CPNE7: variants seen among roughly 807,000 people sequenced by gnomAD.
CPNE7 encodes the protein copine 7.
Under a neutral mutation model 66.5 loss-of-function variants are expected in CPNE7, and 78 were observed. The ratio of observed to expected loss-of-function variants is 1.17; its 90% CI spans 0.98 to 1.42. CPNE7 has a LOEUF of 1.42. Ranked by LOEUF, CPNE7 falls within the 40% of genes most tolerant of loss-of-function variation. The pLI is 0.00. For synonymous variants in CPNE7, 468 were observed against 336.7 expected (o/e 1.39, Z -4.27); for missense variants, 1,012 against 776.6 (o/e 1.30, Z -3.60).
At chr16:89,595,897 G>T in intron 14 of CPNE7, 1 of 577,298 alleles carries the variant, frequency 1.7e-6, no homozygotes, top group South Asian at 1.5e-5. Flanking sequence ...CAACCTCTGC[G>T]ACCCGGCGAG....
At chr16:89,590,314 C>T (rs1193192963) in intron 11 of CPNE7, among the ~76,000 whole-genome samples, 5 of 152,200 alleles carry the variant, frequency 3.3e-5, no homozygotes, top group Non-Finnish European at 7.3e-5. Context: ...TACCTGAGGT[C>T]AGGAGTTCCA....
chr16:89,587,143 T>A, intron 9 of CPNE7, 41 bp downstream of exon 9: 1 of 1,072,914 alleles, frequency 9.3e-7, no homozygotes, highest in Non-Finnish European at 1.2e-6. Context: ...CCTCAGTCCG[T>A]GGCCCCGCCC....
chr16:89,588,542 C>A, intron 9 of CPNE7, 133 bp from the exon 10 acceptor site: 2 of 1,077,498 alleles, frequency 1.9e-6, no homozygotes, highest in South Asian at 1.5e-5. Flanking sequence ...CCAACAGCAG[C>A]CCCCCAGCCC....
At chr16:89,587,682 CCCATAGATACGCACA>C (rs1309906085) in intron 9 of CPNE7, 4 of 399,532 alleles carry the variant, frequency 1.0e-5, no homozygotes, top group Admixed American at 2.6e-5. Flanking sequence ...CCCCGCGTCA[CCCATAGATACGCACA>C]CCCCGTGTCA....
intron 5 of CPNE7, among the ~76,000 whole-genome samples, chr16:89,585,190 T>C (rs566361662): frequency 6.6e-6 from 1 of 152,316 alleles, no homozygotes; most frequent in Non-Finnish European, 1.5e-5. Context: ...AAAATGAATC[T>C]ATTTAAGGAA....
At position 89,592,008 on chromosome 16, in the gene CPNE7, T is replaced by C. The variant is rs1248980104; in HGVS notation, c.1302+748T>C. Among the ~76,000 whole-genome samples, 3 of 139,040 alleles carry C rather than the reference T, an allele frequency of 2.2e-5. No individual in the cohort carries two copies. In the East Asian group the frequency reaches 6.1e-4, roughly 28 times the overall value. 91.2% of individuals were successfully genotyped at this position (139,040 alleles called of 152,430 possible). A position where few individuals can be genotyped will look rare whatever the true frequency, so the allele number is the denominator to read the frequency against. On this transcript the variant is annotated intron_variant, in intron 13 of 14. Transcript: ENST00000319518. ...GCCACCGTGCCCGGCATTCTTTTTT[T>C]TGTTGTTTTTTTTTTTTGAGACGGA...
At chr16:89,587,014 G>C in intron 8 of CPNE7, 29 bp from the exon 9 acceptor site, 1 of 1,567,296 alleles carries the variant, frequency 6.4e-7, no homozygotes, top group South Asian at 1.2e-5. Context: ...TCCCTGGCGG[G>C]GGTGGACGCT....
intron 13 of CPNE7, 89 bp from the exon 14 acceptor site, chr16:89,595,278 A>G (rs1474498414): frequency 9.2e-7 from 1 of 1,086,904 alleles, no homozygotes. Flanking sequence ...GCACGGAGGC[A>G]CTCTGGGCTG....
At chr16:89,582,662 G>T (rs915269507) in intron 2 of CPNE7, among the ~76,000 whole-genome samples, 2 of 152,238 alleles carry the variant, frequency 1.3e-5, no homozygotes, top group African/African-American at 4.8e-5. Flanking sequence ...CCCTGACCTG[G>T]GATCTGCTTT....
chr16:89,593,587 C>T (rs573649720), intron 13 of CPNE7, among the ~76,000 whole-genome samples: 4 of 152,072 alleles, frequency 2.6e-5, no homozygotes, highest in South Asian at 2.1e-4. Flanking sequence ...CTCCTGACCT[C>T]GTGATCCGCC....
chr16:89,588,713 G>C lies in CPNE7; in HGVS notation c.966G>C (p.Arg322=), dbSNP rs540204930. 2.5e-6 allele frequency: 4 copies of C among 1,613,534 alleles called. No homozygotes were observed. In the East Asian group the frequency reaches 8.9e-5, roughly 36 times the overall value. The change falls in exon 10 of 15, where the codon CGG becomes CGC. Residue 322 remains arginine, a synonymous_variant. Transcript: ENST00000319518. ...IDFTASNGDP[R]NSCSLHYINP... ...TCACCGCCTCCAATGGAGACCCGCG[G>C]AACAGCTGCTCCCTGCACTACATCA...
intron 13 of CPNE7, among the ~76,000 whole-genome samples, 188 bp from the exon 14 acceptor site, chr16:89,595,179 C>T (rs558423247): frequency 3.5e-4 from 53 of 152,252 alleles, no homozygotes; most frequent in African/African-American, 1.1e-3. Flanking sequence ...CCAGAGTGCC[C>T]GCCACGGAGG....
At chr16:89,586,912 G>A in intron 8 of CPNE7, 131 bp from the exon 9 acceptor site, 1 of 1,104,318 alleles carries the variant, frequency 9.1e-7, no homozygotes, top group Non-Finnish European at 1.3e-6. Context: ...TGGGGAGAGA[G>A]GATGGGGGAG....
At chr16:89,587,850 C>CT (rs2059095551) in intron 9 of CPNE7, 1 of 52,482 alleles carries the variant, frequency 1.9e-5, no homozygotes. Flanking sequence ...ACACGGCCCC[C>CT]GTGTTACCCA....
At chr16:89,576,923 C>T (rs2058869659) in intron 1 of CPNE7, among the ~76,000 whole-genome samples, 1 of 152,136 alleles carries the variant, frequency 6.6e-6, no homozygotes, top group African/African-American at 2.4e-5. Flanking sequence ...GCCCGCCCCT[C>T]ACAGCCTGAG....
chr16:89,596,037 G>A lies in CPNE7; in HGVS notation c.1539+434G>A, dbSNP rs1380144439. The A allele has an allele frequency of 2.4e-5, 11 of 461,068 alleles. No individual in the cohort carries two copies. In the Admixed American group the frequency reaches 2.9e-4, roughly 12 times the overall value. The allele number at this position is 461,068 out of a possible 1,614,324, so 28.6% of individuals were successfully genotyped here. On this transcript the variant is annotated intron_variant, in intron 14 of 14. Coordinates refer to ENST00000319518, the MANE Select transcript of CPNE7 (RefSeq NM_153636.3). ...GCAAGACACACATGTCACACATGAGGCCCTACAGCAAGACGTGCATGCCAC... is the reference window on the plus strand; with the variant it reads ...GCAAGACACACATGTCACACATGAGACCCTACAGCAAGACGTGCATGCCAC...
At chr16:89,576,093 C>A in intron 1 of CPNE7, 22 bp downstream of exon 1, 1 of 1,245,098 alleles carries the variant, frequency 8.0e-7, no homozygotes, top group Non-Finnish European at 1.0e-6. Context: ...GCGTGGGAGG[C>A]CGAGAGGCCA....
chr16:89,581,163 C>G (rs926083165), intron 2 of CPNE7, among the ~76,000 whole-genome samples: 2 of 151,622 alleles, frequency 1.3e-5, no homozygotes, highest in African/African-American at 2.4e-5. Context: ...TCCCGTCACC[C>G]GTCACACGGA....
At chr16:89,592,449 T>A (rs1047610537) in intron 13 of CPNE7, among the ~76,000 whole-genome samples, 1 of 112,522 alleles carries the variant, frequency 8.9e-6, no homozygotes, top group African/African-American at 3.0e-5. Context: ...TCTTTTTCAA[T>A]TTTTTTTTTT....
Sources: gnomAD v4.1 joint callset for allele counts (sites outside exome capture counted in the v4.1 genomes callset) on GRCh38, gnomAD v4.1.1 for gene constraint, MANE v1.5 for transcripts, NCBI Gene and HGNC (gene_info 2026-07-23, HGNC 2026-07-21) for gene names.